Variants in CHRNA2 observed in about 807,000 individuals in gnomAD.
The protein encoded by CHRNA2 is neuronal acetylcholine receptor subunit alpha-2.
A neutral mutation model predicts 45.5 loss-of-function variants in CHRNA2; 40 were observed. The ratio of observed to expected loss-of-function variants is 0.88; its 90% CI spans 0.68 to 1.15. The LOEUF is 1.15. Among genes scored for constraint, CHRNA2 ranks in the 50% most tolerant of loss-of-function variants. The pLI is 0.00. For synonymous variants in CHRNA2, 301 were observed against 296.7 expected (o/e 1.01, Z -0.15); for missense variants, 655 against 701.7 (o/e 0.93, Z 0.75).
chr8:27,469,614 AG>A (rs1812805834), intron 3 of CHRNA2, 146 bp downstream of exon 3: 2 of 1,035,646 alleles, frequency 1.9e-6, no homozygotes, highest in Admixed American at 3.9e-5. Flanking sequence ...GGGAGAGCGT[AG>A]CCGCCCTGGG....
intron 4 of CHRNA2, 153 bp from the exon 5 acceptor site, chr8:27,467,491 G>A (rs1485669995): frequency 2.5e-5 from 16 of 628,854 alleles, no homozygotes; most frequent in Non-Finnish European, 4.6e-5. Context: ...AGGGAGCTGC[G>A]GTGCTGGGAA....
At chr8:27,461,843 T>C in intron 6 of CHRNA2, 89 bp from the exon 7 acceptor site, 1 of 1,591,000 alleles carries the variant, frequency 6.3e-7, no homozygotes, top group Non-Finnish European at 8.6e-7. Context: ...AGGCGGCCAC[T>C]GGGGGCAGCA....
intron 1 of CHRNA2, among the ~76,000 whole-genome samples, chr8:27,478,260 T>C (rs1440943032): frequency 1.3e-5 from 2 of 152,186 alleles, no homozygotes; most frequent in African/African-American, 2.4e-5. Context: ...GCTTAGGGGC[T>C]AGAGAGTGTA....
At chr8:27,478,268 G>A (rs904911452) in intron 1 of CHRNA2, among the ~76,000 whole-genome samples, 6 of 152,176 alleles carry the variant, frequency 3.9e-5, no homozygotes, top group Non-Finnish European at 8.8e-5. Context: ...GCTAGAGAGT[G>A]TAATTCTAGC....
chr8:27,470,667 G>A (rs1307146943), intron 2 of CHRNA2, among the ~76,000 whole-genome samples: 2 of 152,338 alleles, frequency 1.3e-5, no homozygotes, highest in Admixed American at 6.5e-5. Context: ...GCTGTGTCCC[G>A]AGTGCCTCCT....
rs796052305 is a variant in CHRNA2, at chr8:27,462,979, C to G, written c.1464G>C (p.Ser488=). 3 of 1,614,032 alleles carry G rather than the reference C, an allele frequency of 1.9e-6. No individual in the cohort carries two copies. Among genetic ancestry groups the G allele is most frequent in the Non-Finnish European group, 2.5e-6 (3 of 1,180,018 alleles). The change falls in exon 6 of 7, where the codon TCG becomes TCC. Residue 488 remains serine (S), a splice_region_variant and synonymous_variant. Transcript: ENST00000407991. ...GGCGCCTCTCCCAACCCCAACGCAC[C>G]GAAGAGTCAGCATCCTCAGACCGCA... ...DHLRSEDADS[S]VKEDWKYVAM...
rs759948980 is a variant in CHRNA2 at position 27,471,096 on chromosome 8, T to C, written c.-38A>G. 2 of 1,581,216 alleles carry C rather than the reference T, an allele frequency of 1.3e-6. No individual in the cohort carries two copies. Among genetic ancestry groups the C allele is most frequent in the East Asian group, 4.5e-5 (2 of 44,678 alleles). ...GCATCAGGAGGTCAGGTCAGGGCTT[T>C]GCTGTGGGTTGCACCATGGACCATG... On this transcript the variant is annotated 5_prime_UTR_variant, in exon 2 of 7. Transcript: ENST00000407991.
Position 27,479,257 on chromosome 8 carries a change from C to CACACAT in CHRNA2, c.-571_-570insATGTGT, listed in dbSNP as rs1813156592. 1 of 149,542 alleles carries CACACAT rather than the reference C, an allele frequency of 6.7e-6. No individual in the cohort carries two copies. The highest frequency in any genetic ancestry group is 2.6e-5 in the African/African-American group (1 of 38,542). 9.3% of individuals were successfully genotyped at this position (149,542 alleles called of 1,614,324 possible). A position where few individuals can be genotyped will look rare whatever the true frequency, so the allele number is the denominator to read the frequency against. ...CTGTTCTCTCTCTCTCTCACACACA[C>CACACAT]ACACACATACACACACACACACACA... On this transcript the variant is annotated 5_prime_UTR_variant, in exon 1 of 7. The change creates a new upstream start codon in the 5' untranslated region. Transcript: ENST00000407991.
intron 3 of CHRNA2, 57 bp from the exon 4 acceptor site, chr8:27,469,436 A>C (rs1429971941): frequency 2.8e-5 from 43 of 1,521,100 alleles, no homozygotes; most frequent in African/African-American, 4.1e-5. Flanking sequence ...CCCAGAAGAC[A>C]GGGTGGAGTG....
At chr8:27,470,521 T>C (rs1166209354) in intron 2 of CHRNA2, among the ~76,000 whole-genome samples, 2 of 152,254 alleles carry the variant, frequency 1.3e-5, no homozygotes, top group African/African-American at 4.8e-5. Context: ...AAAATGTTTC[T>C]ATGGCATCGC....
chr8:27,461,330 T>G lies in CHRNA2; in HGVS notation c.*299A>C. ...TGGTTGACCCTTCTGTCACTTAGGG[T>G]CTGCACTGCTCCTCCAGGAGAATCT... On this transcript the variant is annotated 3_prime_UTR_variant, in exon 7 of 7. Coordinates refer to ENST00000407991, the MANE Select transcript of CHRNA2 (RefSeq NM_000742.4). 1 of 440,034 alleles carries G rather than the reference T, an allele frequency of 2.3e-6. No individual in the cohort carries two copies. The highest frequency in any genetic ancestry group is 2.3e-5 in the South Asian group (1 of 43,132). The allele number at this position is 440,034 out of a possible 1,614,324, so 27.3% of individuals were successfully genotyped here.
chr8:27,466,374 C>T (rs1444018675), intron 5 of CHRNA2, among the ~76,000 whole-genome samples: 1 of 152,130 alleles, frequency 6.6e-6, no homozygotes, highest in African/African-American at 2.4e-5. Flanking sequence ...GGTGTCTTTG[C>T]TGCAGAACTT....
rs1735639122 is a variant in CHRNA2 at position 27,463,347 on chromosome 8, C to G, written c.1096G>C (p.Val366Leu). 6.2e-7 allele frequency: 1 copy of G among 1,613,848 alleles called. No individual in the cohort carries two copies. The highest frequency in any genetic ancestry group is 8.5e-7 in the Non-Finnish European group (1 of 1,180,022). ...SPSTHTMPHW[V>L]RGALLGCVPR... ...ACACAGCCCAGAAGGGCCCCCCGCA[C>G]CCAGTGGGGCATGGTGTGGGTGCTG... The change falls in exon 6 of 7, where the codon GTG becomes CTG. Residue 366 changes from valine (V) to leucine (L), a missense_variant. Val to Leu is a conservative substitution (Grantham distance 32). This residue lies in a region of CHRNA2 where 295 missense variants were observed against 280.4 expected (regional missense o/e 1.05). Coordinates refer to ENST00000407991, the MANE Select transcript of CHRNA2 (RefSeq NM_000742.4). This position sits in a 1 kb window ranked among gnomAD's most constrained non-coding sequence, Gnocchi z 6.1.
Position 27,463,843 on chromosome 8 carries a change from C to T in CHRNA2, c.600G>A (p.Lys200=), listed in dbSNP as rs764830161. ...FPFDQQNCKM[K]FGSWTYDKAK... is the part of the protein sequence containing the mutation. ...CCTTGTCATAAGTCCAGGAGCCAAA[C>T]TTCATCTTGCAGTTCTGCTGGTCGA... Residue 200 remains lysine, a synonymous_variant, in exon 6 of 7, where the codon AAG becomes AAA. Transcript: ENST00000407991. The surrounding 1 kb of genome is among the most constrained non-coding windows in gnomAD (Gnocchi z 6.1). 3.7e-6 allele frequency: 6 copies of T among 1,614,206 alleles called. No homozygotes were observed. Among genetic ancestry groups the T allele is most frequent in the Non-Finnish European group, 5.1e-6 (6 of 1,180,038 alleles).
intron 1 of CHRNA2, among the ~76,000 whole-genome samples, chr8:27,477,505 C>A (rs1813097108): frequency 6.6e-6 from 1 of 152,126 alleles, no homozygotes; most frequent in South Asian, 2.1e-4. Context: ...CCGGGAACCC[C>A]CAGAAGAATG....
chr8:27,470,630 G>A (rs1001028323), intron 2 of CHRNA2, among the ~76,000 whole-genome samples: 5 of 152,212 alleles, frequency 3.3e-5, no homozygotes, highest in South Asian at 2.1e-4. Context: ...CCAGAAAAAC[G>A]TGTCAGCACC....
chr8:27,462,887 T>A, intron 6 of CHRNA2, 92 bp downstream of exon 6: 1 of 1,525,388 alleles, frequency 6.6e-7, no homozygotes, highest in Admixed American at 1.7e-5. Context: ...GAGAGGGGCC[T>A]GGGCTGCCCA....
rs1812823370 is a variant in CHRNA2 at position 27,469,933 on chromosome 8, A to G, written c.122T>C (p.Leu41Pro). The G allele has an allele frequency of 2.5e-6, 4 of 1,613,944 alleles. No homozygotes were observed. ...CAATGCCGTGGGACTGGGAGAGGAGAGTGGGTCTCCAGGAGCCCTGGGAGG... is the reference window on the plus strand; with the variant it reads ...CAATGCCGTGGGACTGGGAGAGGAGGGTGGGTCTCCAGGAGCCCTGGGAGG... ...RPPPRAPGDP[L>P]SSPSPTALPQ... Residue 41 changes from leucine to proline, a missense_variant, in exon 3 of 7, where the codon CTC becomes CCC. Coordinates refer to ENST00000407991, the MANE Select transcript of CHRNA2 (RefSeq NM_000742.4).
rs150699126 is a variant in CHRNA2, at chr8:27,479,235, TTC to T, written c.-550_-549del. The T allele has an allele frequency of 1.6e-4, 25 of 152,470 alleles. No homozygotes were observed. The highest frequency in any genetic ancestry group is 3.4e-4 in the African/African-American group (14 of 40,786). 9.4% of individuals were successfully genotyped at this position (152,470 alleles called of 1,614,324 possible). On this transcript the variant is annotated 5_prime_UTR_variant, in exon 1 of 7. Coordinates refer to ENST00000407991, the MANE Select transcript of CHRNA2 (RefSeq NM_000742.4). ...CACACAAGCACACAGGCTCACGCTG[TTC>T]TCTCTCTCTCTCACACACACACACA...
Sources: gnomAD v4.1 joint callset for allele counts (sites outside exome capture counted in the v4.1 genomes callset) on GRCh38, gnomAD v4.1.1 for gene constraint, gnomAD v4.1.1 regional missense constraint, Gnocchi (gnomAD v3.1) non-coding constraint, MANE v1.5 for transcripts, NCBI Gene and HGNC (gene_info 2026-07-23, HGNC 2026-07-21) for gene names.